The following RYR3 variants were observed in gnomAD, a reference collection of about 807,000 sequenced individuals.
The protein encoded by RYR3 is brain ryanodine receptor-calcium release channel.
RYR3 carries 207 observed loss-of-function variants against 584.3 expected under a neutral mutation model. The observed-to-expected ratio is 0.35, with a 90% confidence interval of 0.32 to 0.40. The LOEUF (loss-of-function observed/expected upper bound fraction) is 0.40, where lower values mean the gene tolerates loss of function less well. RYR3 is among the 10% of genes least tolerant of loss of function. The pLI is 1.00. For missense variants in RYR3, 5,616 were observed against 6,089.2 expected (o/e 0.92, Z 2.59); for synonymous variants, 2,416 against 2,248.5 (o/e 1.07, Z -2.11).
At chr15:33,400,028 C>G (rs976752229) in intron 1 of RYR3, among the ~76,000 whole-genome samples, 1 of 152,128 alleles carries the variant, frequency 6.6e-6, no homozygotes, top group Non-Finnish European at 1.5e-5. Flanking sequence ...ATGCCCCTCC[C>G]CTCTTCTTCT....
intron 1 of RYR3, among the ~76,000 whole-genome samples, chr15:33,339,680 G>A (rs904536417): frequency 6.6e-6 from 1 of 152,136 alleles, no homozygotes; most frequent in Non-Finnish European, 1.5e-5. Context: ...ACGAGGTCAG[G>A]AGATCCAGAC....
Position 33,731,531 on chromosome 15 carries a change from G to A in RYR3, c.7261G>A (p.Val2421Met), listed in dbSNP as rs544959863. ...LALNRYICSA[V>M]LPLLTRCAPL... is the part of the protein sequence containing the mutation. ...ACTAAATAGGTATATATGTTCTGCT[G>A]TGCTCCCGCTCCTCACAAGATGTGC... The change falls in exon 48 of 104, where the codon GTG becomes ATG. Residue 2421 changes from valine to methionine, a missense_variant. By Grantham distance (21) the Val-to-Met change is conservative. Around this residue, in one of 9 missense-constraint regions of RYR3, gnomAD observed 1,280 missense variants for 1,426.2 expected, o/e 0.90. Transcript: ENST00000634891. 22 of 1,613,740 alleles carry A rather than the reference G, an allele frequency of 1.4e-5. No individual in the cohort carries two copies. Among genetic ancestry groups the A allele is most frequent in the Non-Finnish European group, 1.9e-5 (22 of 1,179,868 alleles).
rs373564840 is a variant in RYR3 at position 33,508,607 on chromosome 15, A to G, written c.279+4869A>G. On this transcript the variant is annotated intron_variant, in intron 3 of 103. Transcript: ENST00000634891. ...GGAGCTTGCAGTGAGCTGAGATTGC[A>G]CCACTGCACTCCAGACTGGGCGACA... 4.6e-5 allele frequency among the ~76,000 whole-genome samples: 7 copies of G among 152,132 alleles called. No individual in the cohort carries two copies. In the East Asian group the frequency reaches 1.2e-3, roughly 25 times the overall value.
intron 5 of RYR3, 53 bp downstream of exon 5, chr15:33,533,442 G>GT: frequency 7.6e-7 from 1 of 1,320,328 alleles, no homozygotes; most frequent in Non-Finnish European, 1.1e-6. Flanking sequence ...TGGGCTAAGG[G>GT]GCTTTTGAGA....
At position 33,550,271 on chromosome 15, in the gene RYR3, A is replaced by C. The variant is rs762581014; in HGVS notation, c.927A>C (p.Ala309=). 2.5e-6 allele frequency: 4 copies of C among 1,613,558 alleles called. No individual in the cohort carries two copies. The African/African-American group carries it at 5.3e-5, about 22-fold the overall frequency. ...EDQGLILQDR[A]KSDTKSTAFS... ...AAGGCCTTATACTGCAAGACCGGGC[A>C]AAGTCAGACACCAAGTCCACAGCTT... Residue 309 remains alanine, a synonymous_variant, in exon 10 of 104, where the codon GCA becomes GCC. Coordinates refer to ENST00000634891, the MANE Select transcript of RYR3 (RefSeq NM_001036.6).
At position 33,357,965 on chromosome 15, in the gene RYR3, A is replaced by T. The variant is rs1974217866; in HGVS notation, c.51+46869A>T. On this transcript the variant is annotated intron_variant, in intron 1 of 103. Coordinates refer to ENST00000634891, the MANE Select transcript of RYR3 (RefSeq NM_001036.6). ...AACTCTTACAGCAGTGTAGCCAGTAAGTGATTCTGTCCTTGCATTTGCCAG... is the reference window on the plus strand; with the variant it reads ...AACTCTTACAGCAGTGTAGCCAGTATGTGATTCTGTCCTTGCATTTGCCAG... Among the ~76,000 whole-genome samples the T allele has an allele frequency of 3.3e-5, 5 of 152,230 alleles. No homozygotes were observed. In the South Asian group the frequency reaches 1.0e-3, roughly 32 times the overall value.
At chr15:33,825,738 T>C in intron 82 of RYR3, 62 bp downstream of exon 82, 1 of 782,846 alleles carries the variant, frequency 1.3e-6, no homozygotes, top group East Asian at 3.2e-5. Flanking sequence ...TTTTTTTTTT[T>C]TTTTTTTTCC....
intron 93 of RYR3, chr15:33,847,321 G>T (rs1294315741): frequency 2.0e-5 from 3 of 152,182 alleles, no homozygotes; most frequent in Admixed American, 2.0e-4. Flanking sequence ...TCTGAATTTT[G>T]TTCTTTTGTT....
intron 1 of RYR3, among the ~76,000 whole-genome samples, chr15:33,337,934 A>ATTTTTTTTTTTTTTTTTT (rs199625940): frequency 1.8e-5 from 2 of 113,602 alleles, no homozygotes; most frequent in Non-Finnish European, 3.5e-5. Context: ...ATTTTAGGAG[A>ATTTTTTTTTTTTTTTTTT]TTTTTTTTTT....
intron 1 of RYR3, among the ~76,000 whole-genome samples, chr15:33,435,338 TGA>T (rs1162854981): frequency 7.7e-6 from 1 of 130,596 alleles, no homozygotes; most frequent in Non-Finnish European, 1.5e-5. Context: ...GTTAATGTTG[TGA>T]GTTTCACGTA....
chr15:33,622,718 T>TTACTGTTGAACCTCCA (rs1204480853), intron 19 of RYR3, among the ~76,000 whole-genome samples: 6 of 152,192 alleles, frequency 3.9e-5, no homozygotes, highest in Non-Finnish European at 8.8e-5. Flanking sequence ...CAGTGTTCAA[T>TTACTGTTGAACCTCCA]TACTGTTGAA....
chr15:33,565,496 A>G (rs1052785838), intron 11 of RYR3, among the ~76,000 whole-genome samples: 1 of 152,206 alleles, frequency 6.6e-6, no homozygotes, highest in South Asian at 2.1e-4. Flanking sequence ...AAAAAGGAAG[A>G]GATGTTTCAC....
Position 33,827,294 on chromosome 15 carries a change from G to A in RYR3, c.11334+7G>A. On this transcript the variant is annotated splice_region_variant and intron_variant, in intron 85 of 103. Coordinates refer to ENST00000634891, the MANE Select transcript of RYR3 (RefSeq NM_001036.6). Reference sequence around the variant, plus strand: ...CTACCTTCTGCGTCTGCAGGTGAGTGGGAGGGCCTTGGACAATGGGACCTC... The same window carrying A: ...CTACCTTCTGCGTCTGCAGGTGAGTAGGAGGGCCTTGGACAATGGGACCTC... 1.3e-6 allele frequency: 2 copies of A among 1,552,346 alleles called. No homozygotes were observed. The highest frequency in any genetic ancestry group is 4.9e-5 in the East Asian group (2 of 40,960).
chr15:33,633,776 T>C (rs1261208997), intron 24 of RYR3, among the ~76,000 whole-genome samples: 2 of 152,184 alleles, frequency 1.3e-5, no homozygotes, highest in Non-Finnish European at 2.9e-5. Flanking sequence ...GTCTTCTTAG[T>C]CCCTCCTAAG....
rs761004881 is a variant in RYR3 at position 33,821,264 on chromosome 15, C to T, written c.10816-6C>T. Reference sequence around the variant, plus strand: ...AATCTTTCCCTGTGATTTTTTTTCCCCCCAGGAGAAAGAGATGGAGAAGCA... The same window carrying T: ...AATCTTTCCCTGTGATTTTTTTTCCTCCCAGGAGAAAGAGATGGAGAAGCA... On this transcript the variant is annotated splice_polypyrimidine_tract_variant and splice_region_variant and intron_variant, in intron 78 of 103. Coordinates refer to ENST00000634891, the MANE Select transcript of RYR3 (RefSeq NM_001036.6). The T allele has an allele frequency of 1.9e-6, 3 of 1,584,742 alleles. No homozygotes were observed. The highest frequency in any genetic ancestry group is 2.6e-6 in the Non-Finnish European group (3 of 1,165,470).
At chr15:33,384,568 G>A (rs1010046990) in intron 1 of RYR3, among the ~76,000 whole-genome samples, 8 of 130,080 alleles carry the variant, frequency 6.2e-5, no homozygotes, top group South Asian at 5.0e-4. Context: ...ATATACTTAC[G>A]GTGTACAACC....
chr15:33,549,267 G>A (rs2056490703), intron 9 of RYR3, among the ~76,000 whole-genome samples: 1 of 152,142 alleles, frequency 6.6e-6, no homozygotes, highest in Admixed American at 6.6e-5. Flanking sequence ...AAATAAGTAT[G>A]TATGCGTACT....
intron 20 of RYR3, among the ~76,000 whole-genome samples, chr15:33,625,106 C>G (rs556734177): frequency 1.3e-5 from 2 of 152,158 alleles, no homozygotes; most frequent in Non-Finnish European, 2.9e-5. Context: ...CCTCAGGAAA[C>G]TTAAAATCAT....
chr15:33,742,465 G>A, intron 52 of RYR3, 21 bp downstream of exon 52: 2 of 1,528,254 alleles, frequency 1.3e-6, no homozygotes, highest in Non-Finnish European at 1.8e-6. Context: ...TCATCCAACT[G>A]ACAATCGTCA....
Sources: allele counts gnomAD v4.1 joint callset (sites outside exome capture counted in the v4.1 genomes callset), GRCh38; gene constraint gnomAD v4.1.1; regional missense constraint gnomAD v4.1.1; transcripts MANE v1.5; gene names NCBI Gene and HGNC (gene_info 2026-07-23, HGNC 2026-07-21).